Variants in TBC1D22A observed in about 807,000 individuals in gnomAD.
The protein encoded by TBC1D22A is putative GTPase activator.
A neutral mutation model predicts 60.2 loss-of-function variants in TBC1D22A; 38 were observed. That is an observed-to-expected ratio of 0.63 (90% CI 0.49 to 0.83). The LOEUF is 0.83. Ranked by LOEUF, TBC1D22A falls within the 40% of genes least tolerant of loss-of-function variation. The probability of loss-of-function intolerance (pLI) is 0.00; values close to 1 mark genes in which losing one functional copy is unlikely to be tolerated. For missense variants in TBC1D22A, 628 were observed against 701.0 expected (o/e 0.90, Z 1.18); for synonymous variants, 302 against 281.7 (o/e 1.07, Z -0.72).
chr22:46,807,566 A>G (rs531455526), intron 4 of TBC1D22A, among the ~76,000 whole-genome samples: 11 of 152,186 alleles, frequency 7.2e-5, no homozygotes, highest in Non-Finnish European at 1.6e-4. Context: ...GGCAGTGACC[A>G]GTGTTTATCC....
intron 8 of TBC1D22A, among the ~76,000 whole-genome samples, chr22:46,920,748 A>G (rs548153290): frequency 7.3e-4 from 110 of 150,124 alleles, no homozygotes; most frequent in South Asian, 5.1e-3. Context: ...ATTTTTATTT[A>G]TTTTTTGAAG....
At chr22:46,870,339 G>A (rs1480577800) in intron 4 of TBC1D22A, among the ~76,000 whole-genome samples, 1 of 152,216 alleles carries the variant, frequency 6.6e-6, no homozygotes, top group African/African-American at 2.4e-5. Context: ...AGCTTTCACA[G>A]TGCAGATGAG....
intron 12 of TBC1D22A, among the ~76,000 whole-genome samples, chr22:47,112,042 G>T (rs1421606018): frequency 6.6e-6 from 1 of 152,240 alleles, no homozygotes; most frequent in Non-Finnish European, 1.5e-5. Flanking sequence ...GTGACTGGGG[G>T]CACATTGTTC....
At chr22:47,068,730 G>A (rs763283114) in intron 11 of TBC1D22A, among the ~76,000 whole-genome samples, 1 of 152,144 alleles carries the variant, frequency 6.6e-6, no homozygotes, top group Non-Finnish European at 1.5e-5. Flanking sequence ...ATTTCACGCC[G>A]AAATCTCAGC....
chr22:47,152,820 G>A (rs890355213), intron 12 of TBC1D22A, among the ~76,000 whole-genome samples: 2 of 152,228 alleles, frequency 1.3e-5, no homozygotes, highest in African/African-American at 4.8e-5. Context: ...CCAGATGTCT[G>A]TGACCCTTCG....
intron 8 of TBC1D22A, among the ~76,000 whole-genome samples, chr22:46,945,673 T>A (rs948163145): frequency 5.9e-5 from 9 of 152,184 alleles, no homozygotes; most frequent in African/African-American, 1.7e-4. Context: ...CTTCTGCCCT[T>A]TCCTCTGTGG....
At chr22:47,058,381 C>T (rs1474571724) in intron 11 of TBC1D22A, among the ~76,000 whole-genome samples, 1 of 152,160 alleles carries the variant, frequency 6.6e-6, no homozygotes, top group African/African-American at 2.4e-5. Flanking sequence ...CATCACAGGG[C>T]CAGTGCTCTG....
intron 1 of TBC1D22A, chr22:46,774,139 T>C: frequency 1.0e-6 from 1 of 985,688 alleles, no homozygotes; most frequent in Non-Finnish European, 1.2e-6. Context: ...CTGCCTGCCC[T>C]TGGAGCCCTG....
intron 11 of TBC1D22A, among the ~76,000 whole-genome samples, chr22:47,087,638 A>T (rs2064750392): frequency 6.6e-6 from 1 of 152,232 alleles, no homozygotes; most frequent in East Asian, 1.9e-4. Context: ...TGAAATACAT[A>T]TTTGCACATA....
In TBC1D22A at chr22:46,961,030, A is replaced by C. The variant is rs1191403535; in HGVS notation, c.1016-13260A>C. On this transcript the variant is annotated intron_variant, in intron 8 of 12. Coordinates refer to ENST00000337137, the MANE Select transcript of TBC1D22A (RefSeq NM_014346.5). ...CATCTCAGAGACAAGAAAAAAAAAAAACAAAACCCGTGCCCAGGACTCCTT... is the reference window on the plus strand; with the variant it reads ...CATCTCAGAGACAAGAAAAAAAAAACACAAAACCCGTGCCCAGGACTCCTT... Among the ~76,000 whole-genome samples the C allele has an allele frequency of 2.1e-5, 3 of 145,318 alleles. No homozygotes were observed. The East Asian group carries it at 6.1e-4, about 29-fold the overall frequency.
intron 1 of TBC1D22A, among the ~76,000 whole-genome samples, chr22:46,769,321 G>A (rs1337041866): frequency 2.0e-5 from 3 of 152,224 alleles, no homozygotes; most frequent in Non-Finnish European, 4.4e-5. Flanking sequence ...GAGAGGCACT[G>A]TTGGGGATAA....
At chr22:46,804,182 G>A (rs922439926) in intron 4 of TBC1D22A, among the ~76,000 whole-genome samples, 27 of 152,126 alleles carry the variant, frequency 1.8e-4, no homozygotes, top group African/African-American at 6.3e-4. Context: ...CCGTTACTCT[G>A]CTTTCCCTCA....
chr22:46,855,960 G>T (rs528055550), intron 4 of TBC1D22A, among the ~76,000 whole-genome samples: 15 of 152,332 alleles, frequency 9.8e-5, no homozygotes, highest in African/African-American at 3.6e-4. Context: ...CTGTCTGGTG[G>T]ATTTCTCAGT....
intron 1 of TBC1D22A, among the ~76,000 whole-genome samples, chr22:46,785,201 G>A (rs567991222): frequency 1.3e-5 from 2 of 152,248 alleles, no homozygotes; most frequent in South Asian, 2.1e-4. Context: ...AGGAAGACTC[G>A]AGGGCTGGGG....
intron 8 of TBC1D22A, among the ~76,000 whole-genome samples, chr22:46,962,844 G>A (rs904864521): frequency 1.3e-5 from 2 of 152,142 alleles, no homozygotes; most frequent in African/African-American, 4.8e-5. Context: ...TTTACATAAC[G>A]TATCTGTGGC....
intron 11 of TBC1D22A, among the ~76,000 whole-genome samples, chr22:47,048,020 T>C (rs2063085911): frequency 1.3e-5 from 2 of 152,102 alleles, no homozygotes; most frequent in African/African-American, 2.4e-5. Context: ...GTTCCTTAAA[T>C]GAAAGGAACA....
chr22:46,896,257 T>C (rs2068673625), intron 7 of TBC1D22A, among the ~76,000 whole-genome samples: 1 of 152,218 alleles, frequency 6.6e-6, no homozygotes. Flanking sequence ...ATGGTAAGAA[T>C]TCTGATTCTT....
intron 1 of TBC1D22A, chr22:46,773,984 G>T: frequency 1.0e-6 from 1 of 985,532 alleles, no homozygotes; most frequent in Non-Finnish European, 1.2e-6. Flanking sequence ...TTCCCTAGGG[G>T]ACTTAACAGG....
At chr22:47,096,779 G>A (rs868401015) in intron 11 of TBC1D22A, among the ~76,000 whole-genome samples, 1 of 152,136 alleles carries the variant, frequency 6.6e-6, no homozygotes, top group Non-Finnish European at 1.5e-5. Context: ...CCGAGATTGT[G>A]CCACAGCACT....
Sources: gnomAD v4.1 joint callset for allele counts (sites outside exome capture counted in the v4.1 genomes callset) on GRCh38, gnomAD v4.1.1 for gene constraint, MANE v1.5 for transcripts, NCBI Gene and HGNC (gene_info 2026-07-23, HGNC 2026-07-21) for gene names.